Variants in NUP93 observed in about 807,000 individuals in gnomAD.
NUP93 encodes nuclear pore complex protein Nup93.
Under a neutral mutation model 107.8 loss-of-function variants are expected in NUP93, and 55 were observed. That is an observed-to-expected ratio of 0.51 (90% CI 0.41 to 0.64). The LOEUF is 0.64. Among genes scored for constraint, NUP93 ranks in the 30% least tolerant of loss-of-function variants. The pLI, the probability that NUP93 is intolerant of heterozygous loss-of-function variation, is 0.00. For synonymous variants in NUP93, 390 were observed against 397.5 expected (o/e 0.98, Z 0.22); for missense variants, 937 against 1,044.7 (o/e 0.90, Z 1.42).
intron 4 of NUP93, among the ~76,000 whole-genome samples, chr16:56,801,776 A>T (rs1963025953): frequency 6.6e-6 from 1 of 152,186 alleles, no homozygotes; most frequent in South Asian, 2.1e-4. Flanking sequence ...GCATACTTTC[A>T]GATATATCTG....
rs2144661514 is a variant in NUP93, at chr16:56,848,194, A to C, written c.*3585A>C. ...AGCATGCCACTCAGGAAGTGACTTG[A>C]GCATGCTGAATGCTGAGTCAGAAAA... On this transcript the variant is annotated 3_prime_UTR_variant, in exon 22 of 22. Coordinates refer to ENST00000308159, the MANE Select transcript of NUP93 (RefSeq NM_014669.5). 1 of 152,320 alleles carries C rather than the reference A, an allele frequency of 6.6e-6. No individual in the cohort carries two copies. The highest frequency in any genetic ancestry group is 2.4e-5 in the African/African-American group (1 of 41,576). The allele number at this position is 152,320 out of a possible 1,614,324, so 9.4% of individuals were successfully genotyped here.
chr16:56,805,032 G>T (rs1312116461), intron 4 of NUP93, among the ~76,000 whole-genome samples: 1 of 152,020 alleles, frequency 6.6e-6, no homozygotes, highest in Non-Finnish European at 1.5e-5. Context: ...TGGAGATAAG[G>T]TCTTGCTCTG....
chr16:56,744,762 A>G (rs1490956340), intron 1 of NUP93, among the ~76,000 whole-genome samples: 4 of 152,034 alleles, frequency 2.6e-5, no homozygotes, highest in Admixed American at 6.5e-5. Context: ...CAAGTGTGAT[A>G]TGAATTCATG....
intron 1 of NUP93, among the ~76,000 whole-genome samples, chr16:56,738,554 A>T (rs1938086523): frequency 6.6e-6 from 1 of 152,158 alleles, no homozygotes; most frequent in East Asian, 1.9e-4. Flanking sequence ...AATAATGATA[A>T]GGTCTCTTTT....
At chr16:56,843,401 C>A (rs1156934512) in intron 21 of NUP93, among the ~76,000 whole-genome samples, 2 of 152,168 alleles carry the variant, frequency 1.3e-5, no homozygotes, top group Admixed American at 1.3e-4. Flanking sequence ...GTCTGAAGAT[C>A]ATTCTCCTGC....
chr16:56,827,246 C>G (rs180989851), intron 8 of NUP93, among the ~76,000 whole-genome samples: 196 of 152,106 alleles, frequency 1.3e-3, no homozygotes, highest in South Asian at 0.01. Flanking sequence ...GTGAATTGGA[C>G]TATTTAATCT....
chr16:56,823,746 G>C lies in NUP93; in HGVS notation c.694G>C (p.Asp232His). 6.2e-7 allele frequency: 1 copy of C among 1,614,208 alleles called. No individual in the cohort carries two copies. Among genetic ancestry groups the C allele is most frequent in the South Asian group, 1.1e-5 (1 of 91,080 alleles). ...GTGGACCATGGTAAAACAAATGACA[G>C]ACGTGTTGTTGACACCGGCAACGGA... The part of the protein sequence containing the change: ...DMWTMVKQMT[D>H]VLLTPATDAL... Residue 232 changes from aspartate to histidine, a missense_variant, in exon 8 of 22, where the codon GAC becomes CAC. By Grantham distance (81) the Asp-to-His change is moderately conservative. Coordinates refer to ENST00000308159, the MANE Select transcript of NUP93 (RefSeq NM_014669.5).
At chr16:56,834,073 T>G in intron 13 of NUP93, 55 bp from the exon 14 acceptor site, 1 of 1,601,732 alleles carries the variant, frequency 6.2e-7, no homozygotes, top group South Asian at 1.1e-5. Context: ...GTTTCTGGGT[T>G]GCATGGGTCA....
chr16:56,803,616 A>G (rs1394129333), intron 4 of NUP93, among the ~76,000 whole-genome samples: 1 of 152,146 alleles, frequency 6.6e-6, no homozygotes, highest in East Asian at 1.9e-4. Context: ...GAGCTTTTAT[A>G]AAGATGTTTA....
intron 8 of NUP93, among the ~76,000 whole-genome samples, chr16:56,827,244 G>A (rs1281387565): frequency 3.3e-5 from 5 of 151,956 alleles, no homozygotes; most frequent in African/African-American, 9.7e-5. Context: ...CTGTGAATTG[G>A]ACTATTTAAT....
intron 1 of NUP93, among the ~76,000 whole-genome samples, chr16:56,730,675 G>C (rs1432656700): frequency 6.6e-6 from 1 of 152,200 alleles, no homozygotes; most frequent in African/African-American, 2.4e-5. Flanking sequence ...GGGGCGAGGG[G>C]AACTTATCCC....
At chr16:56,781,866 G>A (rs1337025640) in intron 3 of NUP93, 1 of 985,212 alleles carries the variant, frequency 1.0e-6, no homozygotes, top group Non-Finnish European at 1.2e-6. Context: ...ACTGATGGCT[G>A]ACTTCTCTGA....
intron 6 of NUP93, 61 bp from the exon 7 acceptor site, chr16:56,821,443 G>T: frequency 8.5e-7 from 1 of 1,180,614 alleles, no homozygotes; most frequent in Non-Finnish European, 1.3e-6. Context: ...CCTGCTTCAG[G>T]AGGTTTAAAA....
rs1596858511 is a variant in NUP93 at position 56,834,765 on chromosome 16, A to G, written c.1769A>G (p.Asp590Gly). The change falls in exon 16 of 22, where the codon GAC becomes GGC. Residue 590 changes from aspartate (D) to glycine (G), a missense_variant. Transcript: ENST00000308159. ...FDMILGKLEN[D>G]GSRKPGVIDK... Reference sequence around the variant, plus strand: ...ATGATTCTTGGGAAACTAGAGAATGACGGAAGTAGAAAGGTGAGTTAAATG... The same window carrying G: ...ATGATTCTTGGGAAACTAGAGAATGGCGGAAGTAGAAAGGTGAGTTAAATG... The G allele has an allele frequency of 5.0e-6, 8 of 1,611,904 alleles. No individual in the cohort carries two copies. In the South Asian group the frequency reaches 7.7e-5, roughly 16 times the overall value.
chr16:56,748,175 C>A, intron 1 of NUP93, 59 bp from the exon 2 acceptor site: 2 of 1,167,060 alleles, frequency 1.7e-6, no homozygotes, highest in African/African-American at 1.5e-5. Flanking sequence ...CAGATTCAGG[C>A]AGTGTTTGAA....
At chr16:56,827,726 C>T (rs1389141038) in intron 8 of NUP93, among the ~76,000 whole-genome samples, 4 of 152,144 alleles carry the variant, frequency 2.6e-5, no homozygotes. Flanking sequence ...GGTTAGTGTC[C>T]AGCTGAGCAT....
rs1235166676 is a variant in NUP93 at position 56,846,996 on chromosome 16, A to G, written c.*2387A>G. 2.0e-5 allele frequency: 3 copies of G among 151,980 alleles called. No individual in the cohort carries two copies. Among genetic ancestry groups the G allele is most frequent in the African/African-American group, 7.2e-5 (3 of 41,388 alleles). The allele number at this position is 151,980 out of a possible 1,614,324, so 9.4% of individuals were successfully genotyped here. A position where few individuals can be genotyped will look rare whatever the true frequency, so the allele number is the denominator to read the frequency against. ...GTTCTTTGACCTGTAGATGGGTCCT[A>G]AAATGAGAAGGGAGAGAAGCAGCCA... On this transcript the variant is annotated 3_prime_UTR_variant, in exon 22 of 22. Transcript: ENST00000308159.
chr16:56,839,057 T>C lies in NUP93; in HGVS notation c.2124T>C (p.Asp708=). Residue 708 remains aspartate, a synonymous_variant, in exon 19 of 22, where the codon GAT becomes GAC. Transcript: ENST00000308159. ...ACGAGTATCATAGTGGTCATATTGA[T>C]AGAGCTTTTGATGTAAGTTTCAGGA... ...FFDEYHSGHI[D]RAFDIIERLK... 6.2e-7 allele frequency: 1 copy of C among 1,611,432 alleles called. No homozygotes were observed. The highest frequency in any genetic ancestry group is 8.5e-7 in the Non-Finnish European group (1 of 1,177,756).
chr16:56,773,574 G>A (rs1962359896), intron 3 of NUP93, among the ~76,000 whole-genome samples: 1 of 152,246 alleles, frequency 6.6e-6, no homozygotes, highest in African/African-American at 2.4e-5. Flanking sequence ...TGATTGTAGA[G>A]TGTGGCGCTC....
Sources: allele counts gnomAD v4.1 joint callset (sites outside exome capture counted in the v4.1 genomes callset), GRCh38; gene constraint gnomAD v4.1.1; transcripts MANE v1.5; gene names NCBI Gene and HGNC (gene_info 2026-07-23, HGNC 2026-07-21).